GLI3: variants seen among roughly 807,000 people sequenced by gnomAD.
GLI3 encodes the protein transcription activator GLI3.
Under a neutral mutation model 100.8 loss-of-function variants are expected in GLI3, and 20 were observed. The observed-to-expected ratio is 0.20, with a 90% CI of 0.14 to 0.29. The LOEUF is 0.29. GLI3 is among the 10% of genes least tolerant of loss of function. The probability of loss-of-function intolerance (pLI) is 1.00; values close to 1 mark genes in which losing one functional copy is unlikely to be tolerated. For synonymous variants in GLI3, 938 were observed against 860.5 expected (o/e 1.09, Z -1.58); for missense variants, 2,040 against 2,128.5 (o/e 0.96, Z 0.82).
chr7:41,993,209 AC>A (rs1788037300), intron 10 of GLI3, among the ~76,000 whole-genome samples: 2 of 152,156 alleles, frequency 1.3e-5, no homozygotes, highest in Non-Finnish European at 2.9e-5. Context: ...ACACCTGACC[AC>A]CCCTGAAACA....
At chr7:42,132,680 A>T (rs1786321701) in intron 3 of GLI3, among the ~76,000 whole-genome samples, 1 of 152,224 alleles carries the variant, frequency 6.6e-6, no homozygotes, top group South Asian at 2.1e-4. Flanking sequence ...TTCTAGTAAC[A>T]TCTCTTTATA....
At chr7:41,986,057 A>T (rs931250252) in intron 10 of GLI3, among the ~76,000 whole-genome samples, 1 of 152,244 alleles carries the variant, frequency 6.6e-6, no homozygotes, top group Admixed American at 6.5e-5. Context: ...AGTTTCTGAC[A>T]TAACTATAAA....
chr7:42,166,067 G>A (rs1232628244), intron 2 of GLI3, among the ~76,000 whole-genome samples: 2 of 152,108 alleles, frequency 1.3e-5, no homozygotes, highest in African/African-American at 2.4e-5. Flanking sequence ...TGAAGCCCAG[G>A]TGTCTGCAAG....
intron 1 of GLI3, among the ~76,000 whole-genome samples, chr7:42,258,939 TTCTG>T (rs1789112910): frequency 6.6e-6 from 1 of 152,218 alleles, no homozygotes; most frequent in Non-Finnish European, 1.5e-5. Context: ...GTTTTCTTTT[TTCTG>T]TCTGTTTCAT....
At chr7:42,001,614 G>C (rs1367156002) in intron 10 of GLI3, among the ~76,000 whole-genome samples, 1 of 151,990 alleles carries the variant, frequency 6.6e-6, no homozygotes, top group African/African-American at 2.4e-5. Flanking sequence ...TGTTACTAAG[G>C]AACAAAGGGA....
intron 1 of GLI3, among the ~76,000 whole-genome samples, chr7:42,254,039 G>C (rs919193318): frequency 2.6e-5 from 4 of 152,052 alleles, no homozygotes; most frequent in East Asian, 3.9e-4. Flanking sequence ...GACCAACATG[G>C]TGAAACCCTA....
chr7:42,095,992 C>A (rs1258261986), intron 3 of GLI3, among the ~76,000 whole-genome samples: 1 of 152,092 alleles, frequency 6.6e-6, no homozygotes, highest in East Asian at 1.9e-4. Context: ...AGGACAACCA[C>A]CAGTCAGGGG....
chr7:41,966,062 C>G lies in GLI3; in HGVS notation c.3011G>C (p.Arg1004Thr), dbSNP rs752543356. 6.3e-7 allele frequency: 1 copy of G among 1,577,910 alleles called. No homozygotes were observed. Among genetic ancestry groups the G allele is most frequent in the Non-Finnish European group, 8.6e-7 (1 of 1,168,268 alleles). Residue 1004 changes from arginine (R) to threonine (T), a missense_variant, in exon 15 of 15, where the codon AGG (arginine) becomes ACG (threonine). By Grantham distance (71) the Arg-to-Thr change is moderately conservative (BLOSUM62 -1). Coordinates refer to ENST00000395925, the MANE Select transcript of GLI3 (RefSeq NM_000168.6). This position sits in a 1 kb window ranked among gnomAD's most constrained non-coding sequence, Gnocchi z 5.8. Reference protein sequence around the residue: ...PHDAPGHGVRRASDPVRTGSE... With the variant: ...PHDAPGHGVRTASDPVRTGSE... ...GCCTGTCCGCACCGGGTCGCTGGCC[C>G]TCCTCACGCCGTGGCCCGGCGCATC...
intron 9 of GLI3, among the ~76,000 whole-genome samples, chr7:42,024,649 A>G (rs1420148431): frequency 1.3e-5 from 2 of 152,168 alleles, no homozygotes; most frequent in African/African-American, 4.8e-5. Context: ...GGTATAACCT[A>G]CACATCCTTA....
At chr7:42,174,568 C>A (rs1222831886) in intron 2 of GLI3, among the ~76,000 whole-genome samples, 1 of 152,150 alleles carries the variant, frequency 6.6e-6, no homozygotes, top group Non-Finnish European at 1.5e-5. Context: ...CATAAATCAG[C>A]CCTTTGCCCA....
At chr7:42,250,130 T>C (rs1789016538) in intron 1 of GLI3, among the ~76,000 whole-genome samples, 1 of 152,122 alleles carries the variant, frequency 6.6e-6, no homozygotes, top group South Asian at 2.1e-4. Context: ...TTTCTTCTTA[T>C]CTCTTTCCTT....
At chr7:42,078,338 T>G (rs1334475601) in intron 3 of GLI3, among the ~76,000 whole-genome samples, 5 of 152,218 alleles carry the variant, frequency 3.3e-5, no homozygotes, top group Non-Finnish European at 1.5e-5. Context: ...AGTACATTGC[T>G]TCCCTTGTTT....
At chr7:42,119,121 A>C (rs1168853294) in intron 3 of GLI3, among the ~76,000 whole-genome samples, 1 of 152,170 alleles carries the variant, frequency 6.6e-6, no homozygotes, top group East Asian at 1.9e-4. Flanking sequence ...GAGCACACCA[A>C]CAAGGGAAGC....
chr7:42,043,375 T>C (rs1784182201), intron 6 of GLI3, among the ~76,000 whole-genome samples: 1 of 152,212 alleles, frequency 6.6e-6, no homozygotes, highest in South Asian at 2.1e-4. Flanking sequence ...AGTCAGCATT[T>C]GGGGACAGTG....
At chr7:42,159,420 A>G (rs1467083715) in intron 2 of GLI3, among the ~76,000 whole-genome samples, 1 of 152,216 alleles carries the variant, frequency 6.6e-6, no homozygotes. Context: ...CTGGCTGGAA[A>G]GGAATGCTAA....
intron 3 of GLI3, among the ~76,000 whole-genome samples, chr7:42,080,635 G>A (rs1784977926): frequency 6.6e-6 from 1 of 152,178 alleles, no homozygotes; most frequent in Admixed American, 6.5e-5. Context: ...AGACGTGCTT[G>A]ACTATAGCTT....
At position 42,183,428 on chromosome 7, in the gene GLI3, C is replaced by A. The variant is rs545312783; in HGVS notation, c.125-34960G>T. ...GGGTGGGGGGCAAATCAGGAAGGGG[C>A]CTGAGGCACCTCGTCATTACCTTAT... On this transcript the variant is annotated intron_variant, in intron 2 of 14. Transcript: ENST00000395925. 2.0e-5 allele frequency among the ~76,000 whole-genome samples: 3 copies of A among 152,208 alleles called. No individual in the cohort carries two copies. In the East Asian group the frequency reaches 5.8e-4, roughly 30 times the overall value.
At chr7:42,071,903 G>T (rs954427987) in intron 4 of GLI3, among the ~76,000 whole-genome samples, 32 of 152,118 alleles carry the variant, frequency 2.1e-4, no homozygotes, top group African/African-American at 7.7e-4. Context: ...TTAGTGGGAA[G>T]AACAGCTCTC....
intron 4 of GLI3, among the ~76,000 whole-genome samples, chr7:42,062,934 G>C (rs938460296): frequency 1.3e-5 from 2 of 152,106 alleles, no homozygotes; most frequent in African/African-American, 4.8e-5. Context: ...TCAGGTGCCT[G>C]ATAAAATCGC....
Sources: allele counts gnomAD v4.1 joint callset (sites outside exome capture counted in the v4.1 genomes callset), GRCh38; gene constraint gnomAD v4.1.1; non-coding constraint Gnocchi (gnomAD v3.1); transcripts MANE v1.5; gene names NCBI Gene and HGNC (gene_info 2026-07-23, HGNC 2026-07-21).